Variants in WFS1 observed in about 807,000 individuals in gnomAD.
WFS1 encodes wolframin.
A neutral mutation model predicts 68.5 loss-of-function variants in WFS1; 90 were observed. The ratio of observed to expected loss-of-function variants is 1.31; its 90% CI spans 1.11 to 1.56. The LOEUF (loss-of-function observed/expected upper bound fraction) is 1.56, where lower values mean the gene tolerates loss of function less well. WFS1 is among the 40% of genes most tolerant of loss of function. The pLI, the probability that WFS1 is intolerant of heterozygous loss-of-function variation, is 0.00. For synonymous variants in WFS1, 860 were observed against 540.7 expected, an observed-to-expected ratio of 1.59 and a Z score of -8.19; for missense variants, 1,767 against 1,232.6, an observed-to-expected ratio of 1.43 and a Z score of -6.49.
intron 6 of WFS1, 193 bp from the exon 7 acceptor site, chr4:6,294,848 C>G: frequency 1.2e-6 from 1 of 840,840 alleles, no homozygotes; most frequent in South Asian, 1.6e-5. Context: ...ACTTGGCAAA[C>G]CTGCCCCCTT....
In WFS1 at chr4:6,289,143, T is replaced by C; in HGVS notation, c.460+12T>C. 1 of 1,569,182 alleles carries C rather than the reference T, an allele frequency of 6.4e-7. No individual in the cohort carries two copies. The highest frequency in any genetic ancestry group is 8.6e-7 in the Non-Finnish European group (1 of 1,157,528). On this transcript the variant is annotated intron_variant, in intron 4 of 7. Transcript: ENST00000226760. ...GGCGGACAGAAGAGGTGGGTCTGTG[T>C]GAGGCTTAGAACAGCCTCTGGAGGG...
intron 7 of WFS1, 113 bp from the exon 8 acceptor site, chr4:6,300,544 C>A: frequency 6.6e-7 from 1 of 1,510,210 alleles, no homozygotes. Context: ...GATGGGAAAA[C>A]GCAAGGGTGC....
intron 2 of WFS1, among the ~76,000 whole-genome samples, chr4:6,284,096 C>T (rs938518201): frequency 3.3e-5 from 5 of 151,972 alleles, no homozygotes; most frequent in African/African-American, 7.3e-5. Flanking sequence ...CTGGGCTGGG[C>T]GCAGTGGCTC....
chr4:6,299,819 C>CGT (rs1004869516), intron 7 of WFS1, among the ~76,000 whole-genome samples: 1 of 94,978 alleles, frequency 1.1e-5, no homozygotes, highest in African/African-American at 4.2e-5. Flanking sequence ...GGGTAGGTTG[C>CGT]GTGTGTGTGA....
intron 7 of WFS1, among the ~76,000 whole-genome samples, chr4:6,295,919 A>C (rs13130845): frequency 0.63 from 96,128 of 152,078 alleles, 31,001 homozygotes; most frequent in East Asian, 0.94. Flanking sequence ...TCTGCAGAGA[A>C]CACCAGGATT....
At chr4:6,280,817 C>G (rs1417280659) in intron 2 of WFS1, among the ~76,000 whole-genome samples, 1 of 151,998 alleles carries the variant, frequency 6.6e-6, no homozygotes, top group Admixed American at 6.5e-5. Context: ...ATTCACGGGT[C>G]TACCAGTAGG....
intron 6 of WFS1, among the ~76,000 whole-genome samples, chr4:6,293,366 C>G (rs927887570): frequency 1.3e-5 from 2 of 152,178 alleles, no homozygotes; most frequent in Non-Finnish European, 2.9e-5. Context: ...TGTTTCCCCT[C>G]TATCAGAACG....
chr4:6,300,949 A>G lies in WFS1; in HGVS notation c.1154A>G (p.Glu385Gly). Residue 385 changes from glutamate (E) to glycine (G), a missense_variant, in exon 8 of 8, where the codon GAG becomes GGG. Glu to Gly is a moderately conservative substitution (Grantham distance 98). Coordinates refer to ENST00000226760, the MANE Select transcript of WFS1 (RefSeq NM_006005.3). ...CTCACCGACCTGCTGCTGCGCTTCG[A>G]GCCCAACCTGGATGTGGAGCAGGCC... ...RTLTDLLLRFEPNLDVEQAEV... is the reference protein window; with the variant it reads ...RTLTDLLLRFGPNLDVEQAEV... The G allele has an allele frequency of 6.2e-7, 1 of 1,613,924 alleles. No homozygotes were observed. The highest frequency in any genetic ancestry group is 1.3e-5 in the African/African-American group (1 of 74,996).
At chr4:6,282,178 G>A (rs1329662595) in intron 2 of WFS1, among the ~76,000 whole-genome samples, 1 of 152,252 alleles carries the variant, frequency 6.6e-6, no homozygotes, top group Admixed American at 6.5e-5. Flanking sequence ...AGTTCAGCCA[G>A]CATAGAAAGA....
intron 7 of WFS1, 133 bp from the exon 8 acceptor site, chr4:6,300,524 T>G: frequency 1.5e-6 from 2 of 1,370,598 alleles, no homozygotes; most frequent in Non-Finnish European, 2.0e-6. Flanking sequence ...ACCACTAGGA[T>G]GGGGCTGGTG....
Position 6,301,407 on chromosome 4 carries a change from T to C in WFS1, c.1612T>C (p.Phe538Leu). ...CTACCTTGTGCCCTACCTGGTGTGC[T>C]TCATGTGGTGTGAGCTCTCCGTGGT... ...YCYLVPYLVC[F>L]MWCELSVVIL... The change falls in exon 8 of 8, where the codon TTC becomes CTC. Residue 538 changes from phenylalanine (F) to leucine (L), a missense_variant. By Grantham distance (22) the Phe-to-Leu change is conservative. Coordinates refer to ENST00000226760, the MANE Select transcript of WFS1 (RefSeq NM_006005.3). The C allele has an allele frequency of 2.5e-6, 4 of 1,612,608 alleles. No individual in the cohort carries two copies. The highest frequency in any genetic ancestry group is 1.1e-5 in the South Asian group (1 of 91,092).
In WFS1 at chr4:6,288,161, G is replaced by T. The variant is rs1308510675; in HGVS notation, c.316-826G>T. On this transcript the variant is annotated intron_variant, in intron 3 of 7. Coordinates refer to ENST00000226760, the MANE Select transcript of WFS1 (RefSeq NM_006005.3). ...GAACCCAGGAAGTGGAGGTTGCAGT[G>T]AGCCGAGATCGCACCACCACGCTCC... Among the ~76,000 whole-genome samples the T allele has an allele frequency of 2.0e-5, 3 of 149,580 alleles. No individual in the cohort carries two copies. In the East Asian group the frequency reaches 5.9e-4, roughly 29 times the overall value.
Position 6,287,193 on chromosome 4 carries a change from G to C in WFS1, c.315+18G>C, listed in dbSNP as rs375473654. The C allele has an allele frequency of 2.6e-6, 4 of 1,552,264 alleles. No homozygotes were observed. The highest frequency in any genetic ancestry group is 2.0e-5 in the Admixed American group (1 of 51,046). ...AGACTGAGGTGAGGACTGCGGTGCC[G>C]GCAGGGACTTCGGGACGCGGCCCCC... is the stretch of plus-strand genomic sequence containing the variant. On this transcript the variant is annotated intron_variant, in intron 3 of 7. Transcript: ENST00000226760. The surrounding 1 kb of genome is among the most constrained non-coding windows in gnomAD (Gnocchi z 6.4).
intron 2 of WFS1, among the ~76,000 whole-genome samples, chr4:6,282,020 G>C (rs1039765341): frequency 6.6e-6 from 1 of 152,220 alleles, no homozygotes; most frequent in South Asian, 2.1e-4. Context: ...ATGGGTGGAC[G>C]TGCTCGTTCT....
rs754257307 is a variant in WFS1, at chr4:6,302,498, C to T, written c.*30C>T. ...GGTCCGCCACGAGGAGCTTCCAGTG[C>T]ATGTTGCCATGAGGCCTTTCCCCAG... On this transcript the variant is annotated 3_prime_UTR_variant, in exon 8 of 8. Coordinates refer to ENST00000226760, the MANE Select transcript of WFS1 (RefSeq NM_006005.3). 19 of 1,610,866 alleles carry T rather than the reference C, an allele frequency of 1.2e-5. No individual in the cohort carries two copies. The highest frequency in any genetic ancestry group is 1.5e-5 in the Non-Finnish European group (18 of 1,179,852).
At position 6,287,248 on chromosome 4, in the gene WFS1, A is replaced by G. The variant is rs1730341332; in HGVS notation, c.315+73A>G. On this transcript the variant is annotated intron_variant, in intron 3 of 7. Transcript: ENST00000226760. The surrounding 1 kb of genome is among the most constrained non-coding windows in gnomAD (Gnocchi z 6.4). ...CAACAGGCCTGGCCACGAGCTCCAC[A>G]GCCCACAGAGAAGTGTCGGTGCCTG... The G allele has an allele frequency of 3.0e-6, 4 of 1,342,812 alleles. No homozygotes were observed. Among genetic ancestry groups the G allele is most frequent in the South Asian group, 1.3e-5 (1 of 79,788 alleles). 83.2% of individuals were successfully genotyped at this position (1,342,812 alleles called of 1,614,324 possible).
intron 4 of WFS1, 21 bp from the exon 5 acceptor site, chr4:6,291,176 T>C: frequency 6.2e-7 from 1 of 1,611,156 alleles, no homozygotes; most frequent in Non-Finnish European, 8.5e-7. Context: ...ACAAGGCCTT[T>C]GACCACATCC....
At chr4:6,274,649 G>A (rs990171797) in intron 1 of WFS1, among the ~76,000 whole-genome samples, 4 of 152,114 alleles carry the variant, frequency 2.6e-5, no homozygotes, top group African/African-American at 9.7e-5. Flanking sequence ...CACAAAGGAG[G>A]TATCGCTGGA....
In WFS1 at chr4:6,283,162, G is replaced by A. The variant is rs149578832; in HGVS notation, c.233-3931G>A. Among the ~76,000 whole-genome samples, 131 of 152,268 alleles carry A rather than the reference G, an allele frequency of 8.6e-4. No individual in the cohort carries two copies. The highest frequency in any genetic ancestry group is 3.4e-3 in the Middle Eastern group (1 of 294). ...AGTGAGGGTCATTGACTGATTCCACGTGGCATCCATGAATCTCTCAAATCC... is the reference window on the plus strand; with the variant it reads ...AGTGAGGGTCATTGACTGATTCCACATGGCATCCATGAATCTCTCAAATCC... On this transcript the variant is annotated intron_variant, in intron 2 of 7. Coordinates refer to ENST00000226760, the MANE Select transcript of WFS1 (RefSeq NM_006005.3). This position sits in a 1 kb window ranked among gnomAD's most constrained non-coding sequence, Gnocchi z 5.0.
Sources: allele counts gnomAD v4.1 joint callset (sites outside exome capture counted in the v4.1 genomes callset), GRCh38; gene constraint gnomAD v4.1.1; non-coding constraint Gnocchi (gnomAD v3.1); transcripts MANE v1.5; gene names NCBI Gene and HGNC (gene_info 2026-07-23, HGNC 2026-07-21).